Variants in COL4A6 observed in about 807,000 individuals in gnomAD.
COL4A6 encodes the protein collagen type IV alpha 6 chain, also known as collagen alpha-6(IV) chain.
Under a neutral mutation model 126.7 loss-of-function variants are expected in COL4A6, and 59 were observed. The ratio of observed to expected loss-of-function variants is 0.47; its 90% confidence interval spans 0.38 to 0.58. The LOEUF is 0.58. COL4A6 is among the 20% of genes least tolerant of loss of function. The pLI is 0.00. For missense variants in COL4A6, 1,285 were observed against 1,337.3 expected (o/e 0.96, Z 0.61); for synonymous variants, 547 against 496.6 (o/e 1.10, Z -1.35).
upstream of COL4A6, chrX:108,438,585 GAGACCTATACGCTA>G (rs2064318528): frequency 3.0e-6 from 1 of 334,169 alleles, no homozygotes; most frequent in African/African-American, 2.8e-5. Flanking sequence ...CAGCCCCTTA[GAGACCTATACGCTA>G]AGACCTAAGC....
intron 2 of COL4A6, among the ~76,000 whole-genome samples, chrX:108,364,411 T>C (rs1001052072): frequency 6.3e-5 from 7 of 110,962 alleles, no homozygotes; most frequent in Non-Finnish European, 1.3e-4. Flanking sequence ...AATGTGACTT[T>C]TGGCTTAATT....
intron 2 of COL4A6, among the ~76,000 whole-genome samples, chrX:108,387,824 C>T (rs1187792324): frequency 8.9e-6 from 1 of 111,931 alleles, no homozygotes; most frequent in Non-Finnish European, 1.9e-5. Context: ...CCAGTTTTTG[C>T]CCATTCAGTA....
chrX:108,294,580 T>C (rs763606842), intron 3 of COL4A6, among the ~76,000 whole-genome samples: 178 of 109,985 alleles, frequency 1.6e-3, no homozygotes, highest in Middle Eastern at 4.6e-3. Flanking sequence ...TGAATGAAAA[T>C]GAAAATAGAC....
At chrX:108,356,403 A>T (rs1279000789) in intron 2 of COL4A6, among the ~76,000 whole-genome samples, 2 of 111,414 alleles carry the variant, frequency 1.8e-5, no homozygotes, top group African/African-American at 6.5e-5. Context: ...TGTTCAAACA[A>T]TATAGGAATC....
Position 108,226,436 on chromosome X carries a change from T to C in COL4A6, c.145-5062A>G, listed in dbSNP as rs12688184. On this transcript the variant is annotated intron_variant, in intron 3 of 44. Coordinates refer to ENST00000334504, the MANE Select transcript of COL4A6 (RefSeq NM_033641.4). The stretch of plus-strand genomic sequence containing the variant: ...ACATCTGTGAGAGCATTTCTCCTTT[T>C]ACATAGCAATGGTGTCCTGGTTCTC... Among the ~76,000 whole-genome samples the C allele has an allele frequency of 4.6e-4, 51 of 111,238 alleles. No homozygotes were observed. In the East Asian group the frequency reaches 0.013, roughly 28 times the overall value.
At chrX:108,269,214 C>A (rs1328839181) in intron 3 of COL4A6, 6 of 325,644 alleles carry the variant, frequency 1.8e-5, no homozygotes, top group Non-Finnish European at 3.6e-5. Flanking sequence ...AAGGAAGGGA[C>A]TTTCGGAGCC....
intron 27 of COL4A6, among the ~76,000 whole-genome samples, chrX:108,178,334 C>T (rs936746104): frequency 2.7e-5 from 3 of 112,199 alleles, no homozygotes; most frequent in Non-Finnish European, 3.8e-5. Flanking sequence ...GCAGGCTGCC[C>T]ACAGCACCAG....
rs1419096035 is a variant in COL4A6 at position 108,160,564 on chromosome X, G to A, written c.4424C>T (p.Ser1475Leu). Residue 1475 changes from serine (S) to leucine (L), a missense_variant, in exon 43 of 45, where the codon TCG becomes TTG. Physicochemically the swap from Ser to Leu is moderately radical, Grantham distance 145 (BLOSUM62 -2). Coordinates refer to ENST00000334504, the MANE Select transcript of COL4A6 (RefSeq NM_033641.4). ...GATGGGACACGGGGGCACCTGTTCCGACTGGCTGTGCTTTACCAACGTGTA... is the reference window on the plus strand; with the variant it reads ...GATGGGACACGGGGGCACCTGTTCCAACTGGCTGTGCTTTACCAACGTGTA... ...VGYTLVKHSQSEQVPPCPIGM... is the reference protein window; with the variant it reads ...VGYTLVKHSQLEQVPPCPIGM... 4 of 1,209,769 alleles carry A rather than the reference G, an allele frequency of 3.3e-6. No homozygotes were observed. The highest frequency in any genetic ancestry group is 3.4e-6 in the Non-Finnish European group (3 of 895,031).
At position 108,190,434 on chromosome X, in the gene COL4A6, C is replaced by T. The variant is rs756582576; in HGVS notation, c.1384G>A (p.Glu462Lys). ...KESGFPGLRGEQGPKGNLGLK... is the reference protein window; with the variant it reads ...KESGFPGLRGKQGPKGNLGLK... Reference sequence around the variant, plus strand: ...CCTAGGTTTCCTTTTGGACCTTGTTCTCCTCGGAGACCAGGGAACCCTGAC... The same window carrying T: ...CCTAGGTTTCCTTTTGGACCTTGTTTTCCTCGGAGACCAGGGAACCCTGAC... The change falls in exon 20 of 45, where the codon GAA (glutamate) becomes AAA (lysine). Residue 462 changes from glutamate (E) to lysine (K), a missense_variant. Physicochemically the swap from Glu to Lys is moderately conservative, Grantham distance 56. Coordinates refer to ENST00000334504, the MANE Select transcript of COL4A6 (RefSeq NM_033641.4). 4.3e-5 allele frequency: 52 copies of T among 1,205,902 alleles called. No homozygotes were observed. The Admixed American group carries it at 8.1e-4, about 19-fold the overall frequency.
At chrX:108,217,735 CAA>C (rs1314173652) in intron 5 of COL4A6, among the ~76,000 whole-genome samples, 4 of 111,368 alleles carry the variant, frequency 3.6e-5, no homozygotes, top group Admixed American at 2.9e-4. Context: ...TGAGAGGCTT[CAA>C]GAGAGAGAAA....
chrX:108,273,804 T>C (rs1245173974), intron 3 of COL4A6, among the ~76,000 whole-genome samples: 1 of 112,487 alleles, frequency 8.9e-6, no homozygotes, highest in Non-Finnish European at 1.9e-5. Flanking sequence ...TCCCACATTT[T>C]ACTGCTGTTT....
intron 3 of COL4A6, among the ~76,000 whole-genome samples, chrX:108,242,600 A>G (rs2036603477): frequency 8.9e-6 from 1 of 112,575 alleles, no homozygotes; most frequent in Admixed American, 9.4e-5. Context: ...AGAAGCTGCA[A>G]ATAAATGGTT....
At chrX:108,366,228 T>A (rs1382297319) in intron 2 of COL4A6, among the ~76,000 whole-genome samples, 2 of 111,693 alleles carry the variant, frequency 1.8e-5, no homozygotes, top group African/African-American at 6.5e-5. Context: ...TTTGTTTTCA[T>A]CCCCATTTTA....
intron 37 of COL4A6, among the ~76,000 whole-genome samples, chrX:108,167,160 A>G (rs778227523): frequency 1.8e-5 from 2 of 112,638 alleles, no homozygotes; most frequent in South Asian, 7.3e-4. Flanking sequence ...TTAAATGAGC[A>G]GATGAAAATG....
chrX:108,208,333 G>A (rs753232022), intron 8 of COL4A6, among the ~76,000 whole-genome samples: 1 of 111,808 alleles, frequency 8.9e-6, no homozygotes, highest in African/African-American at 3.2e-5. Context: ...CCATTACCTT[G>A]ACCTAATGGA....
chrX:108,380,717 A>G (rs1254376956), intron 2 of COL4A6, among the ~76,000 whole-genome samples: 1 of 112,324 alleles, frequency 8.9e-6, no homozygotes, highest in Non-Finnish European at 1.9e-5. Context: ...TATGGAAACT[A>G]TGAAGATTTT....
intron 3 of COL4A6, among the ~76,000 whole-genome samples, chrX:108,294,415 G>GTTTT (rs1569412233): frequency 1.1e-5 from 1 of 90,598 alleles, no homozygotes; most frequent in African/African-American, 5.4e-5. Context: ...TTTTTTTTTG[G>GTTTT]TGTGTGTGTG....
chrX:108,175,635 A>G lies in COL4A6; in HGVS notation c.2830+19T>C. On this transcript the variant is annotated intron_variant, in intron 29 of 44. Coordinates refer to ENST00000334504, the MANE Select transcript of COL4A6 (RefSeq NM_033641.4). ...GAAAAGCATGGGCAGCAGTTCCAGAATTCAATTCCCCAGCTCACCCTTTTC... is the reference window on the plus strand; with the variant it reads ...GAAAAGCATGGGCAGCAGTTCCAGAGTTCAATTCCCCAGCTCACCCTTTTC... 8.4e-7 allele frequency: 1 copy of G among 1,185,269 alleles called. No individual in the cohort carries two copies. The highest frequency in any genetic ancestry group is 1.1e-6 in the Non-Finnish European group (1 of 885,571).
chrX:108,222,016 C>T (rs767458904), intron 3 of COL4A6, among the ~76,000 whole-genome samples: 3 of 112,663 alleles, frequency 2.7e-5, no homozygotes, highest in Non-Finnish European at 3.7e-5. Context: ...CTCTCCTCTC[C>T]AATCTGTAAA....
Sources: gnomAD v4.1 joint callset for allele counts (sites outside exome capture counted in the v4.1 genomes callset) on GRCh38, gnomAD v4.1.1 for gene constraint, MANE v1.5 for transcripts, NCBI Gene and HGNC (gene_info 2026-07-23, HGNC 2026-07-21) for gene names.